Variants in FAM184A observed in about 807,000 individuals in gnomAD.
FAM184A encodes protein FAM184A.
FAM184A carries 99 observed loss-of-function variants against 143.8 expected under a neutral mutation model. The observed-to-expected ratio is 0.69, with a 90% CI of 0.58 to 0.81. FAM184A has a LOEUF of 0.81. Among genes scored for constraint, FAM184A ranks in the 40% least tolerant of loss-of-function variants. The pLI is 0.00. For missense variants in FAM184A, 1,217 were observed against 1,310.5 expected, an observed-to-expected ratio of 0.93 and a Z score of 1.10; for synonymous variants, 427 against 446.4, an observed-to-expected ratio of 0.96 and a Z score of 0.55.
rs1788617104 is a variant in FAM184A at position 119,100,749 on chromosome 6, G to A, written c.-202+48329C>T. Among the ~76,000 whole-genome samples the A allele has an allele frequency of 1.3e-5, 2 of 152,040 alleles. 1 individual carries two copies. The highest frequency in any genetic ancestry group is 4.8e-5 in the African/African-American group (2 of 41,336). On this transcript the variant is annotated intron_variant, in intron 1 of 16. Transcript: ENST00000352896. ...AGGTGGGCAGATGACTTGAGGTCAGGAGTTCAAGACCAGCCTGGCCAATAT... is the reference window on the plus strand; with the variant it reads ...AGGTGGGCAGATGACTTGAGGTCAGAAGTTCAAGACCAGCCTGGCCAATAT...
At chr6:119,041,234 C>T (rs889786661) in intron 1 of FAM184A, among the ~76,000 whole-genome samples, 1 of 152,114 alleles carries the variant, frequency 6.6e-6, no homozygotes, top group African/African-American at 2.4e-5. Context: ...AAGAGATCCA[C>T]GGGACAGAGA....
chr6:118,990,622 C>T lies in FAM184A; in HGVS notation c.2089-10272G>A, dbSNP rs531072318. ...GGCTCACACCTGTAATCCCAGCACT[C>T]TGGGAGGCCGAAGCAGGTGGATCAC... On this transcript the variant is annotated intron_variant, in intron 9 of 17. Transcript: ENST00000338891. 1.1e-3 allele frequency among the ~76,000 whole-genome samples: 166 copies of T among 151,856 alleles called. 1 individual carries two copies. Among genetic ancestry groups the T allele is most frequent in the African/African-American group, 3.9e-3 (160 of 41,404 alleles).
intron 1 of FAM184A, among the ~76,000 whole-genome samples, chr6:119,076,076 G>A (rs1387153397): frequency 6.6e-6 from 1 of 152,018 alleles, no homozygotes; most frequent in Non-Finnish European, 1.5e-5. Context: ...GGAAATTTTG[G>A]TAATACCTGG....
intron 1 of FAM184A, among the ~76,000 whole-genome samples, chr6:119,050,278 A>G (rs936538765): frequency 2.6e-5 from 4 of 152,188 alleles, no homozygotes; most frequent in Admixed American, 6.5e-5. Context: ...GCAATTCCTC[A>G]AAGAGCTAAA....
At chr6:118,994,410 G>A (rs1784475210) in intron 9 of FAM184A, among the ~76,000 whole-genome samples, 1 of 151,916 alleles carries the variant, frequency 6.6e-6, no homozygotes, top group Admixed American at 6.6e-5. Flanking sequence ...GGGTTGGCCG[G>A]GTGCGGTGGC....
chr6:119,056,710 G>C (rs1381735658), intron 1 of FAM184A, among the ~76,000 whole-genome samples: 1 of 152,134 alleles, frequency 6.6e-6, no homozygotes, highest in African/African-American at 2.4e-5. Flanking sequence ...ATGAAGCCAA[G>C]AGACAAGAGA....
At chr6:119,111,267 A>G (rs1788923326) in intron 1 of FAM184A, among the ~76,000 whole-genome samples, 1 of 152,230 alleles carries the variant, frequency 6.6e-6, no homozygotes, top group South Asian at 2.1e-4. Context: ...TTACAAAAAG[A>G]TAACTAATAT....
At chr6:119,049,767 G>A (rs923828969) in intron 1 of FAM184A, among the ~76,000 whole-genome samples, 1 of 152,186 alleles carries the variant, frequency 6.6e-6, no homozygotes, top group African/African-American at 2.4e-5. Context: ...TCAGGACACA[G>A]GAATGGGCAA....
At chr6:119,079,883 C>G (rs140103146), upstream of FAM184A, among the ~76,000 whole-genome samples, 90 of 152,336 alleles carry the variant, frequency 5.9e-4, no homozygotes, top group East Asian at 0.015. Flanking sequence ...TTCCCAGATG[C>G]TAGGTACTCA....
At chr6:119,002,171 G>A (rs1158866053) in intron 9 of FAM184A, among the ~76,000 whole-genome samples, 1 of 152,126 alleles carries the variant, frequency 6.6e-6, no homozygotes, top group East Asian at 1.9e-4. Context: ...CAAATAGAAA[G>A]ATAATGGTAG....
chr6:119,119,636 C>T (rs1447213109), intron 1 of FAM184A, among the ~76,000 whole-genome samples: 2 of 152,050 alleles, frequency 1.3e-5, no homozygotes, highest in Non-Finnish European at 1.5e-5. Context: ...GAAAAAACTT[C>T]TCCAACATGT....
In FAM184A at chr6:119,003,029, C is replaced by T. The variant is rs757848681; in HGVS notation, c.1958G>A (p.Arg653His). The T allele has an allele frequency of 1.3e-5, 21 of 1,606,604 alleles. No individual in the cohort carries two copies. Among genetic ancestry groups the T allele is most frequent in the Non-Finnish European group, 1.6e-5 (19 of 1,177,942 alleles). Reference sequence around the variant, plus strand: ...TTCATGTTGAAGCCTTAACTCTTCACGAAGTTTAGAACACTCTTGTCTAAA... The same window carrying T: ...TTCATGTTGAAGCCTTAACTCTTCATGAAGTTTAGAACACTCTTGTCTAAA... ...ENLRQECSKL[R>H]EELRLQHEED... Residue 653 changes from arginine (R) to histidine (H), a missense_variant, in exon 9 of 18, where the codon CGT (arginine) becomes CAT (histidine). Arg to His is a conservative substitution (Grantham distance 29). Coordinates refer to ENST00000338891, the MANE Select transcript of FAM184A (RefSeq NM_024581.6).
chr6:119,116,017 AC>A (rs899546309), intron 1 of FAM184A, among the ~76,000 whole-genome samples: 1 of 151,810 alleles, frequency 6.6e-6, no homozygotes, highest in African/African-American at 2.4e-5. Flanking sequence ...ATACACACAC[AC>A]AACGAGAGAG....
chr6:119,077,974 G>A (rs576999751), intron 1 of FAM184A, among the ~76,000 whole-genome samples, 167 bp downstream of exon 1: 6 of 152,372 alleles, frequency 3.9e-5, no homozygotes, highest in Admixed American at 3.3e-4. Context: ...TGTTGCCAGC[G>A]TTCCACCAAA....
intron 15 of FAM184A, among the ~76,000 whole-genome samples, chr6:118,966,633 C>T (rs753291352): frequency 2.0e-5 from 3 of 152,062 alleles, no homozygotes; most frequent in Non-Finnish European, 4.4e-5. Context: ...AAATGAAAGA[C>T]GTACAATTCC....
rs753475548 is a variant in FAM184A, at chr6:119,016,742, C to T, written c.1530+5G>A. ...AATGCAATGATAAATTAAATTTTTA[C>T]TCACCATTTGCAGTTTTTTCTTATC... is the stretch of plus-strand genomic sequence containing the variant. On this transcript the variant is annotated splice_donor_5th_base_variant and intron_variant, in intron 5 of 17. Transcript: ENST00000338891. 6.2e-7 allele frequency: 1 copy of T among 1,607,908 alleles called. No individual in the cohort carries two copies. Among genetic ancestry groups the T allele is most frequent in the Non-Finnish European group, 8.5e-7 (1 of 1,174,734 alleles).
chr6:119,065,629 A>G (rs1428216234), intron 1 of FAM184A, among the ~76,000 whole-genome samples: 1 of 152,204 alleles, frequency 6.6e-6, no homozygotes, highest in East Asian at 1.9e-4. Flanking sequence ...TACACAGTAT[A>G]TGACAGACCC....
chr6:119,042,495 T>C (rs563946316), intron 1 of FAM184A, among the ~76,000 whole-genome samples: 106 of 152,126 alleles, frequency 7.0e-4, no homozygotes, highest in Non-Finnish European at 1.2e-3. Flanking sequence ...TGCCCCTCAG[T>C]TGAATTCTTT....
intron 1 of FAM184A, among the ~76,000 whole-genome samples, chr6:119,093,006 G>C (rs1034870375): frequency 6.6e-6 from 1 of 152,094 alleles, no homozygotes. Context: ...CATGAATTAT[G>C]TCCATCTGGC....
Sources: allele counts gnomAD v4.1 joint callset (sites outside exome capture counted in the v4.1 genomes callset), GRCh38; gene constraint gnomAD v4.1.1; transcripts MANE v1.5; gene names NCBI Gene and HGNC (gene_info 2026-07-23, HGNC 2026-07-21).